SBF2: variants seen among roughly 807,000 people sequenced by gnomAD.
The protein encoded by SBF2 is myotubularin-related protein 13.
A neutral mutation model predicts 225.2 loss-of-function variants in SBF2; 112 were observed. The ratio of observed to expected loss-of-function variants is 0.50; its 90% CI spans 0.43 to 0.58. SBF2 has a LOEUF of 0.58. Among genes scored for constraint, SBF2 ranks in the 20% least tolerant of loss-of-function variants. The pLI is 0.00. For missense variants in SBF2, 1,996 were observed against 2,206.2 expected (o/e 0.90, Z 1.91); for synonymous variants, 763 against 773.3 (o/e 0.99, Z 0.22).
chr11:10,103,640 C>G (rs181265126), intron 2 of SBF2, among the ~76,000 whole-genome samples: 8 of 152,292 alleles, frequency 5.3e-5, no homozygotes, highest in African/African-American at 1.9e-4. Context: ...CTGTAAAACT[C>G]TAACAGATGT....
intron 33 of SBF2, among the ~76,000 whole-genome samples, chr11:9,793,172 T>A (rs1044467377): frequency 1.3e-5 from 2 of 152,066 alleles, no homozygotes; most frequent in African/African-American, 4.8e-5. Flanking sequence ...ATACCAAACA[T>A]ATCTTTTTAT....
intron 16 of SBF2, among the ~76,000 whole-genome samples, chr11:9,922,728 G>C (rs2134230100): frequency 6.6e-6 from 1 of 152,288 alleles, no homozygotes; most frequent in Non-Finnish European, 1.5e-5. Flanking sequence ...TTCTGAGACA[G>C]AGAGAATGAG....
intron 32 of SBF2, among the ~76,000 whole-genome samples, chr11:9,805,286 T>C (rs1853743029): frequency 6.6e-6 from 1 of 152,132 alleles, no homozygotes; most frequent in Non-Finnish European, 1.5e-5. Flanking sequence ...CATACTCAGT[T>C]GGACCCTTTG....
intron 1 of SBF2, among the ~76,000 whole-genome samples, chr11:10,246,263 T>C (rs1231930243): frequency 6.6e-6 from 1 of 152,200 alleles, no homozygotes; most frequent in Non-Finnish European, 1.5e-5. Flanking sequence ...ACATTAAATA[T>C]GCACAGGTTT....
intron 3 of SBF2, among the ~76,000 whole-genome samples, chr11:10,033,427 GTTA>G (rs1412535813): frequency 2.0e-5 from 3 of 152,058 alleles, no homozygotes; most frequent in Non-Finnish European, 4.4e-5. Context: ...AAAAGGAATA[GTTA>G]TTAACGAGAA....
rs1187508310 is a variant in SBF2, at chr11:10,031,064, T to C, written c.386A>G (p.Tyr129Cys). Residue 129 changes from tyrosine (Y) to cysteine (C), a missense_variant, in exon 4 of 40, where the codon TAT becomes TGT. Transcript: ENST00000256190. ...KSLVLVSRLY[Y>C]PEIFRACLGL... ...GTTCTTTACCCTAAAAATTTCTGGA[T>C]AATATAATCTGGATACCAACACCAG... 2 of 1,612,730 alleles carry C rather than the reference T, an allele frequency of 1.2e-6. No homozygotes were observed. Among genetic ancestry groups the C allele is most frequent in the South Asian group, 1.1e-5 (1 of 91,026 alleles).
chr11:10,253,366 G>A (rs545507542), intron 1 of SBF2, among the ~76,000 whole-genome samples: 1 of 152,076 alleles, frequency 6.6e-6, no homozygotes, highest in Non-Finnish European at 1.5e-5. Context: ...TTCTTTTTGG[G>A]AGGAGATGCA....
chr11:10,045,869 T>A (rs1252733500), intron 2 of SBF2, among the ~76,000 whole-genome samples: 1 of 152,194 alleles, frequency 6.6e-6, no homozygotes, highest in Non-Finnish European at 1.5e-5. Flanking sequence ...GACTGGTGGA[T>A]TCTTTTAAAC....
At chr11:9,970,291 C>G (rs962272095) in intron 13 of SBF2, among the ~76,000 whole-genome samples, 11 of 152,036 alleles carry the variant, frequency 7.2e-5, no homozygotes, top group African/African-American at 2.7e-4. Context: ...ACTGCAAGCT[C>G]CACCTCCCGG....
chr11:10,003,508 C>T (rs1211339951), intron 6 of SBF2, among the ~76,000 whole-genome samples: 1 of 151,908 alleles, frequency 6.6e-6, no homozygotes. Flanking sequence ...GCTGGGATTA[C>T]AGGCGCCCGC....
chr11:10,265,453 C>T (rs1470379080), intron 1 of SBF2, among the ~76,000 whole-genome samples: 1 of 118,376 alleles, frequency 8.4e-6, no homozygotes, highest in East Asian at 2.6e-4. Context: ...GTAAATTTAA[C>T]AGTTTCTATC....
At chr11:10,264,583 A>G (rs1961764738) in intron 1 of SBF2, among the ~76,000 whole-genome samples, 1 of 152,146 alleles carries the variant, frequency 6.6e-6, no homozygotes, top group African/African-American at 2.4e-5. Context: ...ATTTTTGTTA[A>G]TTTTTAAAAT....
chr11:9,956,766 T>C (rs1241934684), intron 16 of SBF2: 2 of 152,094 alleles, frequency 1.3e-5, no homozygotes, highest in Non-Finnish European at 2.9e-5. Context: ...AGCGGAAATG[T>C]AGAGATAAAG....
At chr11:10,122,980 C>T (rs182694789) in intron 2 of SBF2, among the ~76,000 whole-genome samples, 6 of 152,238 alleles carry the variant, frequency 3.9e-5, no homozygotes, top group Middle Eastern at 3.4e-3. Context: ...ACCTTGTCTC[C>T]GTTTTTCTTC....
intron 16 of SBF2, among the ~76,000 whole-genome samples, chr11:9,924,501 C>T (rs955498559): frequency 3.3e-5 from 5 of 151,838 alleles, no homozygotes; most frequent in African/African-American, 9.7e-5. Context: ...GCGTGATCTC[C>T]GCTCACGGCA....
At chr11:9,973,316 T>C (rs189033330) in intron 13 of SBF2, among the ~76,000 whole-genome samples, 1 of 152,364 alleles carries the variant, frequency 6.6e-6, no homozygotes, top group East Asian at 1.9e-4. Context: ...TTGAATCTCC[T>C]TGTTGAAATA....
chr11:9,778,696 C>T lies in SBF2; in HGVS notation c.*1722G>A, dbSNP rs902143545. 6.6e-6 allele frequency: 1 copy of T among 152,600 alleles called. No homozygotes were observed. Among genetic ancestry groups the T allele is most frequent in the African/African-American group, 2.4e-5 (1 of 41,444 alleles). The allele number at this position is 152,600 out of a possible 1,614,324, so 9.5% of individuals were successfully genotyped here. The stretch of plus-strand genomic sequence containing the variant: ...GTCATGCTTTGTTTTATTCTTGAAC[C>T]TTTAGTCCCATGTATGAATCCTGAG... On this transcript the variant is annotated 3_prime_UTR_variant, in exon 40 of 40. Coordinates refer to ENST00000256190, the MANE Select transcript of SBF2 (RefSeq NM_030962.4).
chr11:10,037,242 C>A (rs1206915954), intron 3 of SBF2, among the ~76,000 whole-genome samples: 1 of 152,092 alleles, frequency 6.6e-6, no homozygotes. Context: ...TGGATACTTG[C>A]AAAGTTGTAA....
chr11:10,231,704 G>A (rs930620677), intron 1 of SBF2, among the ~76,000 whole-genome samples: 2 of 152,188 alleles, frequency 1.3e-5, no homozygotes, highest in African/African-American at 4.8e-5. Flanking sequence ...TGTGTGAGGT[G>A]TCAGTCCACC....
Sources: allele counts gnomAD v4.1 joint callset (sites outside exome capture counted in the v4.1 genomes callset), GRCh38; gene constraint gnomAD v4.1.1; transcripts MANE v1.5; gene names NCBI Gene and HGNC (gene_info 2026-07-23, HGNC 2026-07-21).